The following TCF4 variants were observed in gnomAD, a reference collection of about 807,000 sequenced individuals.
The protein encoded by TCF4 is SL3-3 enhancer factor 2.
In TCF4, 3 loss-of-function variants were observed where a neutral mutation model predicts 82.1. The ratio of observed to expected loss-of-function variants is 0.04; its 90% CI spans 0.02 to 0.09. TCF4 has a LOEUF of 0.09. TCF4 is among the 10% of genes least tolerant of loss of function. The pLI is 1.00. For synonymous variants in TCF4, 276 were observed against 309.6 expected (o/e 0.89, Z 1.14); for missense variants, 518 against 852.7 (o/e 0.61, Z 4.89).
At chr18:55,581,818 GGT>G (rs1298080162) in intron 3 of TCF4, among the ~76,000 whole-genome samples, 2 of 151,948 alleles carry the variant, frequency 1.3e-5, no homozygotes. Flanking sequence ...ACAGAGATGT[GGT>G]GTGTTTTAAC....
chr18:55,345,774 G>A (rs2144606437), intron 8 of TCF4, among the ~76,000 whole-genome samples: 1 of 152,178 alleles, frequency 6.6e-6, no homozygotes, highest in Non-Finnish European at 1.5e-5. Context: ...GTTCACTTGT[G>A]ATCGATATCA....
intron 3 of TCF4, among the ~76,000 whole-genome samples, chr18:55,541,628 T>C (rs1197948095): frequency 1.3e-5 from 2 of 151,986 alleles, no homozygotes; most frequent in African/African-American, 4.8e-5. Flanking sequence ...AATTTACTTA[T>C]AAAAGATCAA....
At chr18:55,586,834 A>T in intron 2 of TCF4, 1 of 521,614 alleles carries the variant, frequency 1.9e-6, no homozygotes, top group South Asian at 2.1e-5. Flanking sequence ...GGCCAGTAAT[A>T]AAACTCAAAA....
chr18:55,397,502 T>G (rs141934471), intron 6 of TCF4, among the ~76,000 whole-genome samples: 1 of 152,136 alleles, frequency 6.6e-6, no homozygotes, highest in Non-Finnish European at 1.5e-5. Context: ...CTTGGCAACA[T>G]AGCGATACCC....
intron 3 of TCF4, among the ~76,000 whole-genome samples, chr18:55,504,237 A>T (rs902170738): frequency 1.3e-5 from 2 of 152,216 alleles, no homozygotes; most frequent in Non-Finnish European, 2.9e-5. Context: ...CTACAAAAAG[A>T]TAAGAAACGT....
chr18:55,231,204 G>A (rs1331056909), intron 17 of TCF4: 1 of 152,214 alleles, frequency 6.6e-6, no homozygotes, highest in Non-Finnish European at 1.5e-5. Context: ...AACAGTCTCT[G>A]CCAGGCCTGT....
intron 15 of TCF4, among the ~76,000 whole-genome samples, chr18:55,234,958 G>A (rs1481946133): frequency 6.6e-6 from 1 of 152,116 alleles, no homozygotes; most frequent in Non-Finnish European, 1.5e-5. Flanking sequence ...TGCTGCAGTG[G>A]AGCGCACTGA....
chr18:55,230,394 AG>A (rs2047588654), intron 17 of TCF4: 1 of 152,232 alleles, frequency 6.6e-6, no homozygotes, highest in South Asian at 2.1e-4. Flanking sequence ...AAATATTCCA[AG>A]GGCTGTCATG....
chr18:55,434,459 G>A (rs1450776826), intron 5 of TCF4, among the ~76,000 whole-genome samples: 9 of 121,084 alleles, frequency 7.4e-5, no homozygotes, highest in Admixed American at 3.2e-4. Flanking sequence ...TCGCTGTGTT[G>A]CCGAGGCTAG....
At chr18:55,421,158 C>T (rs2094733949) in intron 5 of TCF4, among the ~76,000 whole-genome samples, 1 of 152,046 alleles carries the variant, frequency 6.6e-6, no homozygotes, top group Middle Eastern at 3.2e-3. Context: ...GAGGACAGAG[C>T]CACCATAATC....
chr18:55,500,304 A>G (rs764480956), intron 3 of TCF4, among the ~76,000 whole-genome samples: 4 of 152,220 alleles, frequency 2.6e-5, no homozygotes, highest in Admixed American at 6.5e-5. Flanking sequence ...TGTTTAGACG[A>G]GTAATCTTAG....
At chr18:55,553,083 T>C (rs926993438) in intron 3 of TCF4, 3 of 152,196 alleles carry the variant, frequency 2.0e-5, no homozygotes, top group Admixed American at 6.5e-5. Flanking sequence ...TGGAAGCACA[T>C]CCTATGGTAT....
At chr18:55,449,225 T>C (rs2095579428) in intron 5 of TCF4, among the ~76,000 whole-genome samples, 1 of 152,160 alleles carries the variant, frequency 6.6e-6, no homozygotes. Flanking sequence ...TCCTGGTTTT[T>C]CTCTAGCTAA....
At chr18:55,269,998 AATC>A (rs779805417) in intron 10 of TCF4, 35 bp from the exon 11 acceptor site, 140 of 1,612,026 alleles carry the variant, frequency 8.7e-5, no homozygotes, top group Non-Finnish European at 1.2e-4. Flanking sequence ...GGCCATATTT[AATC>A]ATAAGGTATT....
intron 3 of TCF4, among the ~76,000 whole-genome samples, chr18:55,553,732 TGCTATAA>T (rs987304023): frequency 5.3e-5 from 8 of 152,184 alleles, no homozygotes; most frequent in African/African-American, 1.9e-4. Flanking sequence ...AGGTAGCGGC[TGCTATAA>T]GCATATTTAG....
chr18:55,471,741 C>T (rs563258239), intron 3 of TCF4, among the ~76,000 whole-genome samples: 58 of 147,118 alleles, frequency 3.9e-4, no homozygotes, highest in Non-Finnish European at 8.0e-4. Flanking sequence ...ACTCCAGCCT[C>T]GGTGACTGAG....
chr18:55,550,259 A>G (rs1396685027), intron 3 of TCF4: 1 of 152,238 alleles, frequency 6.6e-6, no homozygotes, highest in African/African-American at 2.4e-5. Context: ...TTCCTTTTAC[A>G]TAGTAGCATG....
intron 8 of TCF4, among the ~76,000 whole-genome samples, chr18:55,331,055 A>G (rs1175378448): frequency 6.6e-6 from 1 of 152,218 alleles, no homozygotes; most frequent in Non-Finnish European, 1.5e-5. Flanking sequence ...GAAAAACATA[A>G]AAACAATCAA....
At chr18:55,356,781 C>T (rs1216435249) in intron 6 of TCF4, among the ~76,000 whole-genome samples, 2 of 152,084 alleles carry the variant, frequency 1.3e-5, no homozygotes, top group Non-Finnish European at 2.9e-5. Flanking sequence ...TTTTACTTCT[C>T]CATGACATCA....
Sources: allele counts gnomAD v4.1 joint callset (sites outside exome capture counted in the v4.1 genomes callset), GRCh38; gene constraint gnomAD v4.1.1; transcripts MANE v1.5; gene names NCBI Gene and HGNC (gene_info 2026-07-23, HGNC 2026-07-21).